Variants in NELL1 observed in about 807,000 individuals in gnomAD.
NELL1 encodes the protein protein kinase C-binding protein NELL1.
A neutral mutation model predicts 107.4 loss-of-function variants in NELL1; 76 were observed. The ratio of observed to expected loss-of-function variants is 0.71; its 90% CI spans 0.59 to 0.86. The LOEUF (loss-of-function observed/expected upper bound fraction) is 0.86, where lower values mean the gene tolerates loss of function less well. NELL1 is among the 40% of genes least tolerant of loss of function. The probability of loss-of-function intolerance (pLI) is 0.00; values close to 1 mark genes in which losing one functional copy is unlikely to be tolerated. For missense variants in NELL1, 1,024 were observed against 1,005.5 expected, an observed-to-expected ratio of 1.02 and a Z score of -0.25; for synonymous variants, 353 against 341.2, an observed-to-expected ratio of 1.03 and a Z score of -0.38.
intron 12 of NELL1, among the ~76,000 whole-genome samples, chr11:21,086,623 A>G (rs1265360382): frequency 6.6e-6 from 1 of 152,128 alleles, no homozygotes; most frequent in Non-Finnish European, 1.5e-5. Flanking sequence ...TTACTTCATC[A>G]TTGTTGATCC....
intron 2 of NELL1, among the ~76,000 whole-genome samples, chr11:20,718,047 T>G (rs965244700): frequency 9.2e-5 from 14 of 152,222 alleles, no homozygotes; most frequent in Non-Finnish European, 1.8e-4. Context: ...GGACTCACAT[T>G]TATGTCCTTA....
intron 13 of NELL1, among the ~76,000 whole-genome samples, chr11:21,143,090 T>C (rs1855902761): frequency 6.6e-6 from 1 of 152,208 alleles, no homozygotes; most frequent in Non-Finnish European, 1.5e-5. Context: ...AAGGAGTGAC[T>C]GTATGCACGT....
chr11:21,458,936 A>ACAC (rs1853823646), intron 15 of NELL1, among the ~76,000 whole-genome samples: 3 of 17,980 alleles, frequency 1.7e-4, no homozygotes, highest in East Asian at 3.4e-3. Flanking sequence ...ATATTTAGAG[A>ACAC]TAATTTTGTG....
At chr11:21,536,421 A>T in intron 16 of NELL1, among the ~76,000 whole-genome samples, 1 of 152,206 alleles carries the variant, frequency 6.6e-6, no homozygotes, top group East Asian at 1.9e-4. Context: ...ATGAAACATG[A>T]TGATTCACAT....
At chr11:21,465,889 C>T (rs1469901494) in intron 15 of NELL1, among the ~76,000 whole-genome samples, 3 of 152,078 alleles carry the variant, frequency 2.0e-5, no homozygotes, top group Admixed American at 1.3e-4. Flanking sequence ...AGCCATAGCA[C>T]CAGAGAAGTA....
chr11:20,788,837 G>C (rs1857020580), intron 3 of NELL1, among the ~76,000 whole-genome samples: 1 of 151,692 alleles, frequency 6.6e-6, no homozygotes, highest in African/African-American at 2.4e-5. Context: ...GATATATTTT[G>C]AGTTACTTTC....
intron 2 of NELL1, among the ~76,000 whole-genome samples, chr11:20,737,767 A>T (rs78752029): frequency 0.054 from 8,133 of 151,896 alleles, 707 homozygotes; most frequent in African/African-American, 0.19. Context: ...CATTATTATT[A>T]TTTCCAAAGA....
At chr11:20,711,120 A>G (rs1353990043) in intron 2 of NELL1, among the ~76,000 whole-genome samples, 1 of 151,726 alleles carries the variant, frequency 6.6e-6, no homozygotes, top group Non-Finnish European at 1.5e-5. Flanking sequence ...GACCTTAGAT[A>G]TTCTATTTGT....
At chr11:20,721,181 GTA>G (rs137948986) in intron 2 of NELL1, among the ~76,000 whole-genome samples, 11 of 125,844 alleles carry the variant, frequency 8.7e-5, no homozygotes, top group African/African-American at 2.5e-4. Flanking sequence ...TATATTTTGT[GTA>G]TATATATATA....
At chr11:21,098,992 T>C (rs77853177) in intron 12 of NELL1, among the ~76,000 whole-genome samples, 1,650 of 152,198 alleles carry the variant, frequency 0.011, 29 homozygotes, top group African/African-American at 0.038. Flanking sequence ...TGTATTTTAA[T>C]TGTATTTTTC....
At chr11:21,464,015 C>G (rs1045032039) in intron 15 of NELL1, among the ~76,000 whole-genome samples, 3 of 152,036 alleles carry the variant, frequency 2.0e-5, no homozygotes, top group Non-Finnish European at 2.9e-5. Flanking sequence ...TTTGGGCTTC[C>G]TCAAAGCATG....
At chr11:21,488,450 G>A (rs1456489081) in intron 15 of NELL1, among the ~76,000 whole-genome samples, 2 of 152,002 alleles carry the variant, frequency 1.3e-5, no homozygotes, top group Non-Finnish European at 2.9e-5. Context: ...ATGATTTCCT[G>A]GCCTATAAGC....
chr11:21,449,899 G>T (rs1231906353), intron 15 of NELL1, among the ~76,000 whole-genome samples: 5 of 152,084 alleles, frequency 3.3e-5, no homozygotes, highest in Non-Finnish European at 5.9e-5. Context: ...ATTATTTTCT[G>T]TTGATCTGTT....
At chr11:21,155,099 T>A (rs1159279931) in intron 13 of NELL1, among the ~76,000 whole-genome samples, 1 of 152,146 alleles carries the variant, frequency 6.6e-6, no homozygotes, top group East Asian at 1.9e-4. Context: ...GAGGATGCAG[T>A]TCCTAGAGAT....
intron 12 of NELL1, among the ~76,000 whole-genome samples, chr11:20,968,669 A>G (rs1437823173): frequency 6.6e-6 from 1 of 152,198 alleles, no homozygotes; most frequent in Non-Finnish European, 1.5e-5. Context: ...TCATTTTATC[A>G]GCTGTTTATA....
At chr11:21,383,021 C>T (rs931052443) in intron 15 of NELL1, among the ~76,000 whole-genome samples, 1 of 151,904 alleles carries the variant, frequency 6.6e-6, no homozygotes, top group East Asian at 1.9e-4. Flanking sequence ...AGCCATAAGT[C>T]TTTGTATCCA....
chr11:20,766,997 G>A (rs1856546515), intron 2 of NELL1, among the ~76,000 whole-genome samples: 2 of 152,118 alleles, frequency 1.3e-5, no homozygotes, highest in Non-Finnish European at 2.9e-5. Flanking sequence ...GCCTGCCTTG[G>A]CCTCCCAGAC....
chr11:20,987,062 T>C (rs1851868397), intron 12 of NELL1, among the ~76,000 whole-genome samples: 1 of 152,156 alleles, frequency 6.6e-6, no homozygotes, highest in Non-Finnish European at 1.5e-5. Context: ...CCCTGGCATA[T>C]GGGAGCCAAT....
intron 13 of NELL1, among the ~76,000 whole-genome samples, chr11:21,196,883 C>CTTTTTTTTTTT (rs200792090): frequency 7.3e-6 from 1 of 136,282 alleles, no homozygotes; most frequent in Non-Finnish European, 1.6e-5. Flanking sequence ...CTTTTCTTTT[C>CTTTTTTTTTTT]TTTTTTTTTT....
Sources: allele counts gnomAD v4.1 joint callset (sites outside exome capture counted in the v4.1 genomes callset), GRCh38; gene constraint gnomAD v4.1.1; transcripts MANE v1.5; gene names NCBI Gene and HGNC (gene_info 2026-07-23, HGNC 2026-07-21).